SLC24A2: variants seen among roughly 807,000 people sequenced by gnomAD.
The protein encoded by SLC24A2 is solute carrier family 24 member 2, also known as sodium/potassium/calcium exchanger 2.
A neutral mutation model predicts 62.0 loss-of-function variants in SLC24A2; 36 were observed. The ratio of observed to expected loss-of-function variants is 0.58; its 90% CI spans 0.44 to 0.77. The LOEUF (loss-of-function observed/expected upper bound fraction) is 0.77, where lower values mean the gene tolerates loss of function less well. Among genes scored for constraint, SLC24A2 ranks in the 30% least tolerant of loss-of-function variants. SLC24A2 has a pLI of 0.00. For missense variants in SLC24A2, 846 were observed against 817.9 expected, an observed-to-expected ratio of 1.03 and a Z score of -0.42; for synonymous variants, 358 against 294.0, an observed-to-expected ratio of 1.22 and a Z score of -2.23.
chr9:20,080,428 A>G, the SLC24A2 span, among the ~76,000 whole-genome samples: 97,405 of 151,512 alleles, frequency 0.64, 32,451 homozygotes, highest in East Asian at 0.95. Context: ...AGCCATATGT[A>G]GAAAGCTGAA....
In SLC24A2 at chr9:19,632,977, C is replaced by T. The variant is rs761514813; in HGVS notation, c.931-10678G>A. Among the ~76,000 whole-genome samples the T allele has an allele frequency of 3.9e-5, 6 of 152,210 alleles. No homozygotes were observed. Among genetic ancestry groups the T allele is most frequent in the Non-Finnish European group, 7.3e-5 (5 of 68,036 alleles). On this transcript the variant is annotated intron_variant, in intron 2 of 10. Coordinates refer to ENST00000341998, the MANE Select transcript of SLC24A2 (RefSeq NM_020344.4). This position sits in a 1 kb window ranked among gnomAD's most constrained non-coding sequence, Gnocchi z 4.5. ...CCCTTTAGGTCTACACCCATTCCCA[C>T]ACCTGCCTGCTAATCCCTGGCAACC...
chr9:19,896,038 T>C, the SLC24A2 span: 13 of 1,360,390 alleles, frequency 9.6e-6, no homozygotes, highest in East Asian at 3.1e-4. Flanking sequence ...GCAGGTCCCC[T>C]TGCCTCTGGG....
At chr9:19,953,767 C>T in the SLC24A2 span, among the ~76,000 whole-genome samples, 1 of 152,024 alleles carries the variant, frequency 6.6e-6, no homozygotes, top group Non-Finnish European at 1.5e-5. Context: ...ACTTTTAAAA[C>T]TTTGGACTCA....
chr9:19,834,193 C>T, the SLC24A2 span, among the ~76,000 whole-genome samples: 1 of 152,282 alleles, frequency 6.6e-6, no homozygotes, highest in South Asian at 2.1e-4. Context: ...AGGAACGCAG[C>T]TCCTCAGTGC....
rs1306712560 is a variant in SLC24A2 at position 19,550,125 on chromosome 9, T to C, written c.1479+12A>G. The C allele has an allele frequency of 6.2e-6, 10 of 1,612,998 alleles. No individual in the cohort carries two copies. Among genetic ancestry groups the C allele is most frequent in the East Asian group, 2.2e-5 (1 of 44,850 alleles). ...TTTTACAAGGGAACTATTTTTAAAA[T>C]GCTTTACTTACAGGTTTGCGAACGT... On this transcript the variant is annotated intron_variant, in intron 8 of 10. Coordinates refer to ENST00000341998, the MANE Select transcript of SLC24A2 (RefSeq NM_020344.4).
the SLC24A2 span, among the ~76,000 whole-genome samples, chr9:20,283,421 T>A: frequency 6.6e-6 from 1 of 152,150 alleles, no homozygotes; most frequent in Non-Finnish European, 1.5e-5. Context: ...GACTCTAGAT[T>A]TTGATCATCA....
the SLC24A2 span, among the ~76,000 whole-genome samples, chr9:19,974,157 A>G: frequency 3.3e-5 from 5 of 152,152 alleles, no homozygotes; most frequent in African/African-American, 1.2e-4. Context: ...TAGGTGCTAT[A>G]ATTTCTAGGA....
At chr9:19,577,515 C>T (rs901197051) in intron 5 of SLC24A2, among the ~76,000 whole-genome samples, 6 of 152,120 alleles carry the variant, frequency 3.9e-5, no homozygotes, top group African/African-American at 1.4e-4. Context: ...TGGTCCCAAG[C>T]GTTTCAGATA....
the SLC24A2 span, among the ~76,000 whole-genome samples, chr9:19,945,208 G>A: frequency 6.6e-6 from 1 of 152,108 alleles, no homozygotes; most frequent in African/African-American, 2.4e-5. Context: ...GGGACAAGAT[G>A]CCTTTGTTTT....
At chr9:19,976,829 G>A in the SLC24A2 span, among the ~76,000 whole-genome samples, 35 of 152,234 alleles carry the variant, frequency 2.3e-4, 2 homozygotes, top group South Asian at 6.2e-3. Flanking sequence ...CCAGTATTCT[G>A]CTATTTGTCT....
chr9:19,778,286 G>C (rs940049867), intron 2 of SLC24A2, among the ~76,000 whole-genome samples: 1 of 152,146 alleles, frequency 6.6e-6, no homozygotes, highest in South Asian at 2.1e-4. Flanking sequence ...CCAAATACAA[G>C]TCCAGAAATG....
the SLC24A2 span, among the ~76,000 whole-genome samples, chr9:19,952,823 T>C: frequency 6.6e-5 from 10 of 151,928 alleles, no homozygotes; most frequent in African/African-American, 1.9e-4. Flanking sequence ...AGACTAGTAT[T>C]AGTTCTTCCT....
At chr9:20,134,399 G>A in the SLC24A2 span, among the ~76,000 whole-genome samples, 10 of 152,222 alleles carry the variant, frequency 6.6e-5, no homozygotes, top group East Asian at 5.8e-4. Flanking sequence ...CTTCCAATGA[G>A]AAGGGAGGAA....
chr9:19,926,447 A>G, the SLC24A2 span: 1 of 152,284 alleles, frequency 6.6e-6, no homozygotes, highest in Non-Finnish European at 1.5e-5. Context: ...AAGCGCAAGC[A>G]TTCGCTCCCA....
the SLC24A2 span, among the ~76,000 whole-genome samples, chr9:19,909,566 G>T: frequency 6.6e-6 from 1 of 152,022 alleles, no homozygotes; most frequent in African/African-American, 2.4e-5. Context: ...ATAAATTATG[G>T]AGAAATGACT....
chr9:19,979,723 T>TA, the SLC24A2 span, among the ~76,000 whole-genome samples: 2 of 152,184 alleles, frequency 1.3e-5, no homozygotes, highest in African/African-American at 4.8e-5. Flanking sequence ...CCCAATATCC[T>TA]AAGGTAATCC....
chr9:19,677,051 A>G (rs1819581921), intron 2 of SLC24A2, among the ~76,000 whole-genome samples: 1 of 152,212 alleles, frequency 6.6e-6, no homozygotes. Flanking sequence ...AGACAGAAAC[A>G]TCATTCAATC....
chr9:20,059,013 G>A, the SLC24A2 span, among the ~76,000 whole-genome samples: 1 of 152,176 alleles, frequency 6.6e-6, no homozygotes, highest in Non-Finnish European at 1.5e-5. Context: ...TGCATTGACT[G>A]TAGATAAGTA....
chr9:19,579,903 C>T (rs1036962076), intron 5 of SLC24A2, among the ~76,000 whole-genome samples: 26 of 152,182 alleles, frequency 1.7e-4, no homozygotes, highest in African/African-American at 6.3e-4. Flanking sequence ...TAGTGTTGGC[C>T]ACTGGCACTC....
Sources: gnomAD v4.1 joint callset for allele counts (sites outside exome capture counted in the v4.1 genomes callset) on GRCh38, gnomAD v4.1.1 for gene constraint, Gnocchi (gnomAD v3.1) non-coding constraint, MANE v1.5 for transcripts, NCBI Gene and HGNC (gene_info 2026-07-23, HGNC 2026-07-21) for gene names.